CYTH1: variants seen among roughly 807,000 people sequenced by gnomAD.
The protein encoded by CYTH1 is cytohesin-1.
CYTH1 carries 18 observed loss-of-function variants against 61.8 expected under a neutral mutation model. The ratio of observed to expected loss-of-function variants is 0.29; its 90% CI spans 0.20 to 0.43. The LOEUF (loss-of-function observed/expected upper bound fraction) is 0.43. Among genes scored for constraint, CYTH1 ranks in the 20% least tolerant of loss-of-function variants. The probability of loss-of-function intolerance (pLI) is 1.00; values close to 1 mark genes in which losing one functional copy is unlikely to be tolerated. For missense variants in CYTH1, 336 were observed against 510.5 expected (o/e 0.66, Z 3.29); for synonymous variants, 174 against 184.3 (o/e 0.94, Z 0.45).
At chr17:78,731,497 C>T (rs535125089) in intron 1 of CYTH1, among the ~76,000 whole-genome samples, 10 of 152,226 alleles carry the variant, frequency 6.6e-5, no homozygotes, top group South Asian at 4.1e-4. Flanking sequence ...CGGTGGTTCA[C>T]GCCTGTAATC....
intron 1 of CYTH1, among the ~76,000 whole-genome samples, chr17:78,729,876 T>C (rs1036002033): frequency 2.0e-5 from 3 of 152,152 alleles, no homozygotes; most frequent in African/African-American, 7.2e-5. Flanking sequence ...GGAATCACCT[T>C]TCAAAGCAAG....
intron 1 of CYTH1, among the ~76,000 whole-genome samples, chr17:78,728,278 G>A (rs2093276792): frequency 6.6e-6 from 1 of 152,200 alleles, no homozygotes; most frequent in Non-Finnish European, 1.5e-5. Context: ...GGGTGCAGTG[G>A]CTCACTCCTG....
intron 5 of CYTH1, 82 bp from the exon 6 acceptor site, chr17:78,701,833 T>TA: frequency 7.3e-7 from 1 of 1,377,544 alleles, no homozygotes; most frequent in Non-Finnish European, 1.0e-6. Flanking sequence ...CCATGTCTCC[T>TA]ACACTGCGTC....
At chr17:78,775,281 C>T (rs1440822558) in intron 1 of CYTH1, among the ~76,000 whole-genome samples, 1 of 152,214 alleles carries the variant, frequency 6.6e-6, no homozygotes, top group Non-Finnish European at 1.5e-5. Flanking sequence ...AAGGAAGTTA[C>T]TAATTAAGAG....
chr17:78,677,561 T>C lies in CYTH1; in HGVS notation c.1119-1392A>G, dbSNP rs2092714395. 1.9e-5 allele frequency: 3 copies of C among 161,360 alleles called. No homozygotes were observed. The South Asian group carries it at 5.1e-4, about 28-fold the overall frequency. The allele number at this position is 161,360 out of a possible 1,614,324, so 10.0% of individuals were successfully genotyped here. A position where few individuals can be genotyped will look rare whatever the true frequency, so the allele number is the denominator to read the frequency against. On this transcript the variant is annotated intron_variant, in intron 13 of 13. Transcript: ENST00000446868. ...ACTCGATGGCAGCCGCTGTTACCGC[T>C]GACACGCAGTTCTACTGCTGTACCT...
chr17:78,767,112 C>T (rs1041204032), intron 1 of CYTH1, among the ~76,000 whole-genome samples: 1 of 152,178 alleles, frequency 6.6e-6, no homozygotes, highest in Non-Finnish European at 1.5e-5. Context: ...GCAGTGACAC[C>T]TACTCTGGCA....
intron 1 of CYTH1, among the ~76,000 whole-genome samples, chr17:78,731,159 C>G (rs1324383726): frequency 1.3e-5 from 2 of 152,142 alleles, no homozygotes; most frequent in African/African-American, 4.8e-5. Context: ...GGCAGGAGAT[C>G]AGCATAACTC....
chr17:78,770,325 CAA>C (rs34583082), intron 1 of CYTH1, among the ~76,000 whole-genome samples: 11 of 43,766 alleles, frequency 2.5e-4, no homozygotes, highest in Admixed American at 7.1e-4. Context: ...TTCCCATCTC[CAA>C]AAAAAAAAAA....
At chr17:78,691,474 C>T (rs563365479) in intron 11 of CYTH1, 2 of 152,276 alleles carry the variant, frequency 1.3e-5, no homozygotes, top group African/African-American at 4.8e-5. Flanking sequence ...TTACTTAAGC[C>T]CCATTTTGCT....
At chr17:78,762,481 T>G (rs1010636799) in intron 1 of CYTH1, among the ~76,000 whole-genome samples, 1 of 152,188 alleles carries the variant, frequency 6.6e-6, no homozygotes, top group Non-Finnish European at 1.5e-5. Flanking sequence ...AAACATTCCA[T>G]GGGCAAAGGC....
rs142589567 is a variant in CYTH1 at position 78,676,377 on chromosome 17, G to A, written c.1119-208C>T. ...CACTTCGAAAGAGACACAGGAACACGTGACAAGAAAATTTTGGGGTTTTTA... is the reference window on the plus strand; with the variant it reads ...CACTTCGAAAGAGACACAGGAACACATGACAAGAAAATTTTGGGGTTTTTA... On this transcript the variant is annotated intron_variant, in intron 13 of 13. Coordinates refer to ENST00000446868, the MANE Select transcript of CYTH1 (RefSeq NM_004762.6). The A allele has an allele frequency of 5.8e-5, 33 of 567,426 alleles. No homozygotes were observed. The East Asian group carries it at 9.1e-4, about 16-fold the overall frequency. The allele number at this position is 567,426 out of a possible 1,614,324, so 35.1% of individuals were successfully genotyped here.
At chr17:78,699,098 G>T in intron 7 of CYTH1, 130 bp from the exon 8 acceptor site, 1 of 1,116,160 alleles carries the variant, frequency 9.0e-7, no homozygotes, top group Non-Finnish European at 1.3e-6. Flanking sequence ...CAGATGCAGT[G>T]GCTTACACCT....
intron 1 of CYTH1, among the ~76,000 whole-genome samples, chr17:78,770,878 A>G (rs1296138605): frequency 6.6e-6 from 1 of 152,198 alleles, no homozygotes; most frequent in Non-Finnish European, 1.5e-5. Flanking sequence ...CTGTAATCCC[A>G]GCAGTTTGGG....
chr17:78,743,172 C>A (rs1246573950), intron 1 of CYTH1, among the ~76,000 whole-genome samples: 1 of 152,112 alleles, frequency 6.6e-6, no homozygotes, highest in Non-Finnish European at 1.5e-5. Context: ...AACAAAAATG[C>A]ATAGACTATA....
At chr17:78,767,037 A>G (rs1440522719) in intron 1 of CYTH1, among the ~76,000 whole-genome samples, 1 of 152,204 alleles carries the variant, frequency 6.6e-6, no homozygotes, top group African/African-American at 2.4e-5. Flanking sequence ...AGAACTTACG[A>G]AAAATGTTCA....
intron 13 of CYTH1, among the ~76,000 whole-genome samples, chr17:78,678,680 G>A (rs972183308): frequency 3.9e-5 from 6 of 152,134 alleles, no homozygotes; most frequent in East Asian, 1.9e-4. Flanking sequence ...TGAAAACACC[G>A]TGGCACCGCG....
chr17:78,709,634 C>T lies in CYTH1; in HGVS notation c.105+16G>A. On this transcript the variant is annotated intron_variant, in intron 2 of 13. Coordinates refer to ENST00000446868, the MANE Select transcript of CYTH1 (RefSeq NM_004762.6). ...GTGGTTCTTACGTTGGTGAAACCAC[C>T]ATGCCACTCTCCTACCTGAATGTCA... 3.7e-6 allele frequency: 6 copies of T among 1,614,030 alleles called. No individual in the cohort carries two copies. The highest frequency in any genetic ancestry group is 5.1e-6 in the Non-Finnish European group (6 of 1,179,932).
chr17:78,711,952 G>A (rs1468149742), intron 1 of CYTH1, among the ~76,000 whole-genome samples: 1 of 151,964 alleles, frequency 6.6e-6, no homozygotes, highest in Non-Finnish European at 1.5e-5. Flanking sequence ...GGTGGCACAT[G>A]CCTGTAGTTC....
intron 1 of CYTH1, among the ~76,000 whole-genome samples, chr17:78,713,086 AAT>A (rs10641688): frequency 0.012 from 1,803 of 150,476 alleles, 27 homozygotes; most frequent in African/African-American, 0.031. Flanking sequence ...AACATTAAAA[AAT>A]ATATATATAT....
Sources: gnomAD v4.1 joint callset for allele counts (sites outside exome capture counted in the v4.1 genomes callset) on GRCh38, gnomAD v4.1.1 for gene constraint, MANE v1.5 for transcripts, NCBI Gene and HGNC (gene_info 2026-07-23, HGNC 2026-07-21) for gene names.